GLI3: variants seen among roughly 807,000 people sequenced by gnomAD.
The protein encoded by GLI3 is GLI family zinc finger 3.
In GLI3, 20 loss-of-function variants were observed where a neutral mutation model predicts 100.8. That is an observed-to-expected ratio of 0.20 (90% CI 0.14 to 0.29). GLI3 has a LOEUF of 0.29. GLI3 is among the 10% of genes least tolerant of loss of function. The pLI is 1.00. For synonymous variants in GLI3, 938 were observed against 860.5 expected, an observed-to-expected ratio of 1.09 and a Z score of -1.58; for missense variants, 2,040 against 2,128.5, an observed-to-expected ratio of 0.96 and a Z score of 0.82.
At chr7:42,230,945 T>C (rs1332318813) in intron 1 of GLI3, among the ~76,000 whole-genome samples, 2 of 152,364 alleles carry the variant, frequency 1.3e-5, no homozygotes, top group East Asian at 3.9e-4. Context: ...ACTGTATTCC[T>C]CTTAAATCCA....
intron 2 of GLI3, among the ~76,000 whole-genome samples, chr7:42,160,690 G>C (rs1252876251): frequency 2.0e-5 from 3 of 152,138 alleles, no homozygotes; most frequent in Non-Finnish European, 4.4e-5. Context: ...TCTTTGGGCT[G>C]CTGCTTCCCC....
In GLI3 at chr7:42,223,208, C is replaced by T; in HGVS notation, c.46G>A (p.Val16Ile). The T allele has an allele frequency of 6.2e-7, 1 of 1,613,914 alleles. No homozygotes were observed. The highest frequency in any genetic ancestry group is 2.2e-5 in the East Asian group (1 of 44,872). ...HSSTTTEKKKVENSIVKCSTR... is the reference protein window; with the variant it reads ...HSSTTTEKKKIENSIVKCSTR... ...GAGCACTTCACTATGGAATTCTCAA[C>T]TTTTTTCTTTTCAGTGGTCGTGGAG... The change falls in exon 2 of 15, where the codon GTT becomes ATT. Residue 16 changes from valine (V) to isoleucine (I), a missense_variant. Transcript: ENST00000395925.
At chr7:42,069,462 T>C (rs1490639030) in intron 4 of GLI3, among the ~76,000 whole-genome samples, 1 of 152,202 alleles carries the variant, frequency 6.6e-6, no homozygotes, top group Non-Finnish European at 1.5e-5. Flanking sequence ...TGGCCTAAGA[T>C]AGTTCTTGAA....
intron 1 of GLI3, among the ~76,000 whole-genome samples, chr7:42,233,138 C>T (rs977124568): frequency 2.0e-5 from 3 of 152,174 alleles, no homozygotes; most frequent in Admixed American, 6.5e-5. Context: ...CCTGGAGTGA[C>T]TGGCCTTTCA....
At chr7:42,136,631 C>G (rs576582542) in intron 3 of GLI3, among the ~76,000 whole-genome samples, 32 of 152,284 alleles carry the variant, frequency 2.1e-4, no homozygotes, top group Middle Eastern at 3.4e-3. Context: ...TATCAGTTAA[C>G]AAAATAAGAA....
chr7:41,965,102 G>T lies in GLI3; in HGVS notation c.3971C>A (p.Ala1324Asp). The change falls in exon 15 of 15, where the codon GCT becomes GAT. Residue 1324 changes from alanine (A) to aspartate (D), a missense_variant. Coordinates refer to ENST00000395925, the MANE Select transcript of GLI3 (RefSeq NM_000168.6). ...CATGCTGTCGCCGAGGAGCTGGTGA[G>T]CCAGGTACCCCTGTCCCACTGGGTC... ...NQDPVGQGYL[A>D]HQLLGDSMQH... 1 of 1,613,756 alleles carries T rather than the reference G, an allele frequency of 6.2e-7. No individual in the cohort carries two copies. The highest frequency in any genetic ancestry group is 8.5e-7 in the Non-Finnish European group (1 of 1,179,992).
rs762464634 is a variant in GLI3 at position 41,966,522 on chromosome 7, C to T, written c.2551G>A (p.Ala851Thr). ...AGGTAGGCCGAGCTGATGGTGCTGG[C>T]GCTGCTGTCCCTTCTGTTGAGCATG... The part of the protein sequence containing the change: ...LNMLNRRDSS[A>T]STISSAYLSS... The change falls in exon 15 of 15, where the codon GCC becomes ACC. Residue 851 changes from alanine to threonine, a missense_variant. By Grantham distance (58) the Ala-to-Thr change is moderately conservative. This residue lies in a region of GLI3 where 327 missense variants were observed against 338.7 expected (regional missense o/e 0.97). Transcript: ENST00000395925. This position sits in a 1 kb window ranked among gnomAD's most constrained non-coding sequence, Gnocchi z 5.8. 5 of 1,613,626 alleles carry T rather than the reference C, an allele frequency of 3.1e-6. No homozygotes were observed. The highest frequency in any genetic ancestry group is 2.7e-5 in the African/African-American group (2 of 74,926).
intron 1 of GLI3, 54 bp from the exon 2 acceptor site, chr7:42,223,349 A>G: frequency 9.0e-7 from 1 of 1,111,372 alleles, no homozygotes. Context: ...AAAAAAAAAA[A>G]ACTTTCAAAA....
At chr7:42,257,929 G>A (rs1469537708) in intron 1 of GLI3, among the ~76,000 whole-genome samples, 1 of 151,962 alleles carries the variant, frequency 6.6e-6, no homozygotes, top group African/African-American at 2.4e-5. Flanking sequence ...AATTCTTTTT[G>A]TATGTTGCTG....
chr7:42,003,580 T>C (rs976196709), intron 10 of GLI3, among the ~76,000 whole-genome samples: 11 of 152,192 alleles, frequency 7.2e-5, no homozygotes, highest in African/African-American at 2.2e-4. Context: ...AGTTTGATAA[T>C]ATTAAAGTTG....
chr7:41,964,115 T>C lies in GLI3; in HGVS notation c.*215A>G. 1 of 519,150 alleles carries C rather than the reference T, an allele frequency of 1.9e-6. No homozygotes were observed. Among genetic ancestry groups the C allele is most frequent in the Non-Finnish European group, 3.4e-6 (1 of 291,582 alleles). 32.2% of individuals were successfully genotyped at this position (519,150 alleles called of 1,614,324 possible). On this transcript the variant is annotated 3_prime_UTR_variant, in exon 15 of 15. Transcript: ENST00000395925. ...GGTGGTTTGAGTGTAACAATACTGA[T>C]TCAAAACTGAAATGGAAGACAGTTT... is the stretch of plus-strand genomic sequence containing the variant.
chr7:42,225,583 A>T (rs988987282), intron 1 of GLI3, among the ~76,000 whole-genome samples: 2 of 151,890 alleles, frequency 1.3e-5, no homozygotes, highest in Non-Finnish European at 2.9e-5. Flanking sequence ...CTGGTCTCGA[A>T]CTCCTGACCT....
intron 2 of GLI3, among the ~76,000 whole-genome samples, chr7:42,200,305 C>G (rs1373925725): frequency 6.6e-6 from 1 of 152,170 alleles, no homozygotes; most frequent in Non-Finnish European, 1.5e-5. Flanking sequence ...TCCAAAGGGA[C>G]CATATGTCCA....
intron 2 of GLI3, among the ~76,000 whole-genome samples, chr7:42,190,579 A>T (rs913276814): frequency 5.3e-5 from 8 of 152,224 alleles, no homozygotes; most frequent in Admixed American, 4.6e-4. Context: ...AGACCCTGGT[A>T]GCGTTGTGTG....
chr7:42,096,915 C>A (rs1785350499), intron 3 of GLI3, among the ~76,000 whole-genome samples: 1 of 152,188 alleles, frequency 6.6e-6, no homozygotes, highest in Non-Finnish European at 1.5e-5. Context: ...AGTGGCCAGG[C>A]CAAGCCAGGT....
At chr7:42,258,327 TAC>T (rs535386499) in intron 1 of GLI3, among the ~76,000 whole-genome samples, 286 of 152,372 alleles carry the variant, frequency 1.9e-3, no homozygotes, top group African/African-American at 6.7e-3. Flanking sequence ...CTGGTCAATA[TAC>T]TGTAATCAAG....
intron 2 of GLI3, among the ~76,000 whole-genome samples, chr7:42,214,415 T>G (rs1788332064): frequency 6.7e-6 from 1 of 149,524 alleles, no homozygotes; most frequent in African/African-American, 2.5e-5. Context: ...AATGGTCTCC[T>G]AAGATTTAAT....
At position 41,966,112 on chromosome 7, in the gene GLI3, G is replaced by A. The variant is rs528703005; in HGVS notation, c.2961C>T (p.Tyr987=). The A allele has an allele frequency of 2.7e-5, 42 of 1,576,330 alleles. No homozygotes were observed. Among genetic ancestry groups the A allele is most frequent in the South Asian group, 2.6e-4 (23 of 88,112 alleles). Residue 987 remains tyrosine, a synonymous_variant, in exon 15 of 15, where the codon TAC becomes TAT. Transcript: ENST00000395925. This position sits in a 1 kb window ranked among gnomAD's most constrained non-coding sequence, Gnocchi z 5.8. ...RRCSDGGAHG[Y]GRRHLQPHDA... ...CGTGCGGCTGCAGGTGGCGCCGCCC[G>A]TAGCCGTGGGCTCCCCCGTCGCTGC...
chr7:42,056,067 A>G (rs1265686682), intron 4 of GLI3, among the ~76,000 whole-genome samples: 1 of 152,140 alleles, frequency 6.6e-6, no homozygotes, highest in African/African-American at 2.4e-5. Context: ...ACCATGTGAG[A>G]AGTGCCTTTC....
Sources: allele counts gnomAD v4.1 joint callset (sites outside exome capture counted in the v4.1 genomes callset), GRCh38; gene constraint gnomAD v4.1.1; regional missense constraint gnomAD v4.1.1; non-coding constraint Gnocchi (gnomAD v3.1); transcripts MANE v1.5; gene names NCBI Gene and HGNC (gene_info 2026-07-23, HGNC 2026-07-21).